ARB2A: variants seen among roughly 807,000 people sequenced by gnomAD.
ARB2A encodes cotranscriptional regulator ARB2A.
chr5:93,843,087 G>A, the ARB2A span, among the ~76,000 whole-genome samples: 1 of 152,142 alleles, frequency 6.6e-6, no homozygotes, highest in Non-Finnish European at 1.5e-5. Flanking sequence ...AAGACAAAAA[G>A]TTCTAAAGAT....
At chr5:93,784,490 G>A in the ARB2A span, 11 of 1,611,232 alleles carry the variant, frequency 6.8e-6, no homozygotes, top group Non-Finnish European at 9.3e-6. Flanking sequence ...TCGGCTTCTC[G>A]TTGAATCATC....
chr5:93,785,003 T>C, the ARB2A span, among the ~76,000 whole-genome samples: 1 of 152,236 alleles, frequency 6.6e-6, no homozygotes, highest in Non-Finnish European at 1.5e-5. Context: ...GTGTTTTAAA[T>C]GCCCACAAAG....
the ARB2A span, among the ~76,000 whole-genome samples, chr5:94,106,688 G>A: frequency 4.0e-5 from 6 of 151,614 alleles, no homozygotes; most frequent in Non-Finnish European, 7.4e-5. Context: ...TATGTCCATC[G>A]CAGCACTATT....
chr5:93,682,171 T>C, the ARB2A span, among the ~76,000 whole-genome samples: 4 of 151,324 alleles, frequency 2.6e-5, no homozygotes, highest in African/African-American at 9.7e-5. Flanking sequence ...TTACCTGTTA[T>C]AATTAATAAA....
the ARB2A span, chr5:94,053,094 TAG>T: frequency 3.3e-6 from 4 of 1,204,260 alleles, no homozygotes; most frequent in Non-Finnish European, 3.6e-6. Flanking sequence ...GATAGATAGA[TAG>T]ATAGATAGAT....
At chr5:94,044,364 A>G in the ARB2A span, among the ~76,000 whole-genome samples, 1 of 152,204 alleles carries the variant, frequency 6.6e-6, no homozygotes, top group Admixed American at 6.5e-5. Flanking sequence ...AATATTCCAG[A>G]TATCACCTCT....
the ARB2A span, among the ~76,000 whole-genome samples, chr5:93,943,312 T>TA: frequency 6.6e-6 from 1 of 152,126 alleles, no homozygotes. Flanking sequence ...GGTAGCTTGT[T>TA]TTAATAAGTA....
chr5:93,745,604 C>T, the ARB2A span, among the ~76,000 whole-genome samples: 4 of 152,024 alleles, frequency 2.6e-5, no homozygotes, highest in African/African-American at 9.7e-5. Context: ...TTCTCATACT[C>T]GAGACAGAGG....
At chr5:94,049,734 T>A in the ARB2A span, among the ~76,000 whole-genome samples, 2 of 152,146 alleles carry the variant, frequency 1.3e-5, no homozygotes, top group Non-Finnish European at 2.9e-5. Context: ...GGCACGAGAA[T>A]CGCTTGAACC....
chr5:94,083,467 C>A, the ARB2A span, among the ~76,000 whole-genome samples: 2 of 151,934 alleles, frequency 1.3e-5, no homozygotes, highest in South Asian at 2.1e-4. Flanking sequence ...AAATTCAAAA[C>A]CTATTTTTGG....
the ARB2A span, among the ~76,000 whole-genome samples, chr5:93,938,965 A>G: frequency 1.3e-5 from 2 of 152,232 alleles, no homozygotes; most frequent in Admixed American, 1.3e-4. Context: ...ACTGTCAGAA[A>G]ATGCAAACTA....
chr5:93,678,273 T>C, the ARB2A span, among the ~76,000 whole-genome samples: 2 of 152,170 alleles, frequency 1.3e-5, no homozygotes, highest in Non-Finnish European at 2.9e-5. Flanking sequence ...TCGTATCAAA[T>C]GTAAAAGACA....
At chr5:93,962,159 C>A in the ARB2A span, among the ~76,000 whole-genome samples, 1 of 152,108 alleles carries the variant, frequency 6.6e-6, no homozygotes, top group Non-Finnish European at 1.5e-5. Context: ...GTCATTCCAG[C>A]GAACCACCTC....
the ARB2A span, among the ~76,000 whole-genome samples, chr5:93,944,387 G>A: frequency 6.6e-6 from 1 of 152,068 alleles, no homozygotes; most frequent in Admixed American, 6.6e-5. Context: ...CTTGAGCTCA[G>A]GAGTTTGAGA....
chr5:94,016,333 G>A, the ARB2A span, among the ~76,000 whole-genome samples: 4 of 152,310 alleles, frequency 2.6e-5, no homozygotes, highest in East Asian at 1.9e-4. Context: ...TATTATGAAA[G>A]TGGCTAACTT....
At chr5:93,719,898 C>T in the ARB2A span, among the ~76,000 whole-genome samples, 12 of 152,132 alleles carry the variant, frequency 7.9e-5, no homozygotes, top group Non-Finnish European at 4.4e-5. Context: ...CTTCTTTTCT[C>T]ATTTTCCTTA....
the ARB2A span, among the ~76,000 whole-genome samples, chr5:93,908,884 T>C: frequency 6.6e-6 from 1 of 150,650 alleles, no homozygotes; most frequent in Non-Finnish European, 1.5e-5. Flanking sequence ...CCTCCATGTT[T>C]AAAAAAAATG....
chr5:93,765,088 A>C, the ARB2A span, among the ~76,000 whole-genome samples: 12 of 152,384 alleles, frequency 7.9e-5, no homozygotes, highest in Non-Finnish European at 1.6e-4. Context: ...AGCCAATATC[A>C]TACTGAATGG....
At chr5:94,061,211 C>G in the ARB2A span, among the ~76,000 whole-genome samples, 1 of 151,990 alleles carries the variant, frequency 6.6e-6, no homozygotes, top group Non-Finnish European at 1.5e-5. Context: ...GCACTCCAGC[C>G]TGGGCGACAG....
Sources: allele counts gnomAD v4.1 joint callset (sites outside exome capture counted in the v4.1 genomes callset), GRCh38; gene constraint gnomAD v4.1.1; transcripts MANE v1.5; gene names NCBI Gene and HGNC (gene_info 2026-07-23, HGNC 2026-07-21).